DOCK3: variants seen among roughly 807,000 people sequenced by gnomAD.
The protein encoded by DOCK3 is dedicator of cytokinesis protein 3.
In DOCK3, 60 loss-of-function variants were observed where a neutral mutation model predicts 265.6. The observed-to-expected ratio is 0.23, with a 90% CI of 0.18 to 0.28. The LOEUF (loss-of-function observed/expected upper bound fraction) is 0.28. Ranked by LOEUF, DOCK3 falls within the 10% of genes least tolerant of loss-of-function variation. The pLI, the probability that DOCK3 is intolerant of heterozygous loss-of-function variation, is 1.00. For missense variants in DOCK3, 1,981 were observed against 2,594.3 expected, an observed-to-expected ratio of 0.76 and a Z score of 5.14; for synonymous variants, 881 against 938.0, an observed-to-expected ratio of 0.94 and a Z score of 1.11.
At chr3:51,364,134 C>A (rs1044003627) in intron 49 of DOCK3, among the ~76,000 whole-genome samples, 1 of 152,234 alleles carries the variant, frequency 6.6e-6, no homozygotes, top group African/African-American at 2.4e-5. Context: ...TTCTCTACAT[C>A]CTCTCCAGCA....
At chr3:51,232,314 C>A (rs907920325) in intron 19 of DOCK3, among the ~76,000 whole-genome samples, 1 of 152,104 alleles carries the variant, frequency 6.6e-6, no homozygotes, top group African/African-American at 2.4e-5. Flanking sequence ...CTTGCAGATG[C>A]GAATTGTGCT....
chr3:50,693,604 C>T (rs2035396225), intron 1 of DOCK3, among the ~76,000 whole-genome samples: 2 of 139,358 alleles, frequency 1.4e-5, no homozygotes, highest in South Asian at 2.3e-4. Context: ...GGCATGATCT[C>T]GGCTCACTGC....
chr3:51,171,009 G>A (rs2086651219), intron 12 of DOCK3, among the ~76,000 whole-genome samples: 2 of 150,186 alleles, frequency 1.3e-5, no homozygotes, highest in Non-Finnish European at 3.0e-5. Flanking sequence ...TGTTAACGAT[G>A]TTTATCTTTT....
intron 2 of DOCK3, among the ~76,000 whole-genome samples, chr3:50,818,429 T>C (rs2044215734): frequency 6.6e-6 from 1 of 152,256 alleles, no homozygotes; most frequent in Non-Finnish European, 1.5e-5. Context: ...TCTTGTTTGC[T>C]GTCATCTAAA....
intron 5 of DOCK3, among the ~76,000 whole-genome samples, chr3:50,947,701 C>T (rs2076463385): frequency 6.6e-6 from 1 of 151,912 alleles, no homozygotes; most frequent in Non-Finnish European, 1.5e-5. Flanking sequence ...GGCTAGACAA[C>T]ACTACTGAAA....
intron 1 of DOCK3, among the ~76,000 whole-genome samples, chr3:50,745,925 G>A (rs1318507791): frequency 1.3e-5 from 2 of 152,102 alleles, no homozygotes; most frequent in Non-Finnish European, 2.9e-5. Flanking sequence ...AGAGCTTCCT[G>A]TTCTGTCATT....
intron 5 of DOCK3, among the ~76,000 whole-genome samples, chr3:50,998,631 G>A (rs1005564355): frequency 3.3e-5 from 5 of 152,088 alleles, no homozygotes; most frequent in Non-Finnish European, 7.4e-5. Context: ...CGTTAATATA[G>A]CAATATCTTT....
chr3:50,787,550 C>A (rs977361756), intron 2 of DOCK3: 8 of 738,264 alleles, frequency 1.1e-5, no homozygotes, highest in Non-Finnish European at 1.1e-5. Flanking sequence ...AAAAAACAAC[C>A]CTGGGTCACT....
chr3:50,995,702 G>T (rs900075596), intron 5 of DOCK3, among the ~76,000 whole-genome samples: 1 of 152,096 alleles, frequency 6.6e-6, no homozygotes, highest in African/African-American at 2.4e-5. Flanking sequence ...CAGGAGGTGT[G>T]GTCAGGAAGA....
intron 49 of DOCK3, among the ~76,000 whole-genome samples, chr3:51,369,414 C>T (rs1421119244): frequency 4.6e-5 from 7 of 151,886 alleles, no homozygotes; most frequent in East Asian, 1.9e-4. Context: ...CTTCAGTAGC[C>T]GATTCGATCA....
chr3:50,947,303 T>G (rs1256299557), intron 5 of DOCK3, among the ~76,000 whole-genome samples: 1 of 152,086 alleles, frequency 6.6e-6, no homozygotes, highest in Non-Finnish European at 1.5e-5. Flanking sequence ...AAGCATTTAG[T>G]CCCCAAGAAG....
intron 12 of DOCK3, among the ~76,000 whole-genome samples, chr3:51,202,573 G>A (rs1189148059): frequency 2.0e-5 from 3 of 152,022 alleles, no homozygotes; most frequent in South Asian, 2.1e-4. Context: ...ATTCACAGCC[G>A]AATTCTACCA....
chr3:51,250,315 A>G (rs954963084), intron 22 of DOCK3, among the ~76,000 whole-genome samples: 24 of 150,262 alleles, frequency 1.6e-4, no homozygotes, highest in Non-Finnish European at 2.2e-4. Flanking sequence ...AATAAAAAAC[A>G]AAACAAAACA....
chr3:51,281,274 AATATATATAT>A (rs56084027), intron 27 of DOCK3, among the ~76,000 whole-genome samples: 20 of 125,680 alleles, frequency 1.6e-4, no homozygotes, highest in African/African-American at 4.6e-4. Flanking sequence ...GATGAGCTAA[AATATATATAT>A]ATATATATAT....
intron 4 of DOCK3, among the ~76,000 whole-genome samples, chr3:50,919,494 G>A (rs917834506): frequency 6.6e-6 from 1 of 152,052 alleles, no homozygotes; most frequent in African/African-American, 2.4e-5. Flanking sequence ...ATATTCCTAG[G>A]TATTTTATTC....
chr3:51,220,011 ACC>A (rs1489305615), intron 14 of DOCK3, among the ~76,000 whole-genome samples: 1 of 152,206 alleles, frequency 6.6e-6, no homozygotes, highest in Non-Finnish European at 1.5e-5. Context: ...GAAGTGTGAC[ACC>A]AAAGACATGG....
intron 4 of DOCK3, among the ~76,000 whole-genome samples, chr3:50,892,631 A>C (rs1203216955): frequency 6.6e-6 from 1 of 152,084 alleles, no homozygotes; most frequent in African/African-American, 2.4e-5. Context: ...CCTCACCCAG[A>C]GTGCTGGAGT....
chr3:51,362,414 T>A, intron 48 of DOCK3, 113 bp from the exon 49 acceptor site: 1 of 1,374,490 alleles, frequency 7.3e-7, no homozygotes. Context: ...GCTCAGGGGA[T>A]AGCATAAGGC....
chr3:50,792,121 G>A (rs1459000523), intron 2 of DOCK3, among the ~76,000 whole-genome samples: 3 of 56,928 alleles, frequency 5.3e-5, no homozygotes, highest in Non-Finnish European at 1.0e-4. Context: ...TGTCATCTCT[G>A]ATTTTTTTTT....
Sources: allele counts gnomAD v4.1 joint callset (sites outside exome capture counted in the v4.1 genomes callset), GRCh38; gene constraint gnomAD v4.1.1; transcripts MANE v1.5; gene names NCBI Gene and HGNC (gene_info 2026-07-23, HGNC 2026-07-21).